The following TSC22D2 variants were observed in gnomAD, a reference collection of about 807,000 sequenced individuals.
The protein encoded by TSC22D2 is TSC22 domain family member 2.
Under a neutral mutation model 50.1 loss-of-function variants are expected in TSC22D2, and 5 were observed. The ratio of observed to expected loss-of-function variants is 0.10; its 90% CI spans 0.05 to 0.21. The LOEUF (loss-of-function observed/expected upper bound fraction) is 0.21. TSC22D2 is among the 10% of genes least tolerant of loss of function. The pLI is 1.00. For missense variants in TSC22D2, 1,003 were observed against 1,015.5 expected, an observed-to-expected ratio of 0.99 and a Z score of 0.17; for synonymous variants, 501 against 450.1, an observed-to-expected ratio of 1.11 and a Z score of -1.43.
chr3:150,422,741 G>C lies in TSC22D2; in HGVS notation c.1958+11433G>C, dbSNP rs1483777117. On this transcript the variant is annotated intron_variant, in intron 1 of 2. Transcript: ENST00000688009. The stretch of plus-strand genomic sequence containing the variant: ...ATTTGATATAGAAGAGTGTTGATTA[G>C]GCTATGAATTTGTCACATTTATATG... Among the ~76,000 whole-genome samples, 3 of 152,250 alleles carry C rather than the reference G, an allele frequency of 2.0e-5. No homozygotes were observed. In the East Asian group the frequency reaches 5.8e-4, roughly 29 times the overall value.
In TSC22D2 at chr3:150,409,578, G is replaced by T; in HGVS notation, c.228G>T (p.Gly76=). The change falls in exon 1 of 3, where the codon GGG becomes GGT. Residue 76 remains glycine, a synonymous_variant. Coordinates refer to ENST00000688009, the MANE Select transcript of TSC22D2 (RefSeq NM_001303264.2). This position sits in a 1 kb window ranked among gnomAD's most constrained non-coding sequence, Gnocchi z 7.4. ...CCGAAGAGACGCTTAACAATGTTGGGGATGCGGAGACTCCCGGGACCGTCT... is the reference window on the plus strand; with the variant it reads ...CCGAAGAGACGCTTAACAATGTTGGTGATGCGGAGACTCCCGGGACCGTCT... ...SSSEETLNNV[G]DAETPGTVSP... The T allele has an allele frequency of 1.3e-6, 2 of 1,599,878 alleles. No homozygotes were observed. The highest frequency in any genetic ancestry group is 8.6e-7 in the Non-Finnish European group (1 of 1,168,942).
At chr3:150,434,759 T>C (rs1359226360) in intron 1 of TSC22D2, among the ~76,000 whole-genome samples, 1 of 152,210 alleles carries the variant, frequency 6.6e-6, no homozygotes, top group East Asian at 1.9e-4. Flanking sequence ...GTGCATTTGC[T>C]ATAATGCATA....
intron 1 of TSC22D2, among the ~76,000 whole-genome samples, chr3:150,445,835 C>T (rs1266274214): frequency 6.6e-6 from 1 of 152,138 alleles, no homozygotes; most frequent in African/African-American, 2.4e-5. Flanking sequence ...TAGCCTCACG[C>T]CTGTAATTCC....
In TSC22D2 at chr3:150,424,592, T is replaced by C. The variant is rs116480457; in HGVS notation, c.1958+13284T>C. On this transcript the variant is annotated intron_variant, in intron 1 of 2. Coordinates refer to ENST00000688009, the MANE Select transcript of TSC22D2 (RefSeq NM_001303264.2). ...TAGAAGTTGCCTGTACATCATTTGT[T>C]GTTACAGCTAAATACTCCTTATATG... 5.0e-3 allele frequency among the ~76,000 whole-genome samples: 755 copies of C among 152,334 alleles called. 7 individuals carry two copies. The highest frequency in any genetic ancestry group is 0.017 in the African/African-American group (709 of 41,578).
At chr3:150,415,729 T>C (rs1719771748) in intron 1 of TSC22D2, among the ~76,000 whole-genome samples, 1 of 152,090 alleles carries the variant, frequency 6.6e-6, no homozygotes, top group Non-Finnish European at 1.5e-5. Flanking sequence ...AGGAGGAGGA[T>C]TGCTTGAGCC....
Position 150,446,132 on chromosome 3 carries a change from A to G in TSC22D2, c.1959-10944A>G, listed in dbSNP as rs145267953. Among the ~76,000 whole-genome samples, 870 of 151,892 alleles carry G rather than the reference A, an allele frequency of 5.7e-3. 4 individuals are homozygous for G. Among genetic ancestry groups the G allele is most frequent in the Non-Finnish European group, 0.01 (710 of 67,934 alleles). ...AAAAAAAATCAGCTAGTCTAATTCT[A>G]AAGTCTATGCTTTTAAGCCATTTTA... On this transcript the variant is annotated intron_variant, in intron 1 of 2. Transcript: ENST00000688009.
intron 1 of TSC22D2, among the ~76,000 whole-genome samples, chr3:150,420,900 G>A (rs1719983275): frequency 6.6e-6 from 1 of 152,112 alleles, no homozygotes; most frequent in Non-Finnish European, 1.5e-5. Flanking sequence ...TGGCCAACGT[G>A]GTGAAACCCC....
chr3:150,410,929 A>G lies in TSC22D2; in HGVS notation c.1579A>G (p.Thr527Ala). Residue 527 changes from threonine to alanine, a missense_variant, in exon 1 of 3, where the codon ACT (threonine) becomes GCT (alanine). Thr to Ala is a moderately conservative substitution (Grantham distance 58, BLOSUM62 0). Transcript: ENST00000688009. ...SVPSVSTTSV[T>A]MPNVPAPLAQ... The stretch of plus-strand genomic sequence containing the variant: ...GCCTAGTGTGTCTACCACTTCTGTT[A>G]CTATGCCAAATGTACCCGCGCCTCT... 6.2e-7 allele frequency: 1 copy of G among 1,614,056 alleles called. No homozygotes were observed. Among genetic ancestry groups the G allele is most frequent in the Non-Finnish European group, 8.5e-7 (1 of 1,180,016 alleles).
intron 1 of TSC22D2, among the ~76,000 whole-genome samples, chr3:150,434,587 T>C (rs1404263075): frequency 6.6e-6 from 1 of 152,228 alleles, no homozygotes; most frequent in East Asian, 1.9e-4. Flanking sequence ...TCCTTTGCCT[T>C]CTTTCTAAGC....
In TSC22D2 at chr3:150,462,521, T is replaced by G. The variant is rs1721444285; in HGVS notation, c.*3885T>G. On this transcript the variant is annotated 3_prime_UTR_variant, in exon 3 of 3. Coordinates refer to ENST00000688009, the MANE Select transcript of TSC22D2 (RefSeq NM_001303264.2). ...GAAAGGGCAAAATTACATAGGCAAT[T>G]TTGTGAAGGTCATGAAGGAAGTTTG... The G allele has an allele frequency of 6.6e-6, 1 of 152,126 alleles. No homozygotes were observed. The highest frequency in any genetic ancestry group is 2.4e-5 in the African/African-American group (1 of 41,420). 9.4% of individuals were successfully genotyped at this position (152,126 alleles called of 1,614,324 possible).
intron 1 of TSC22D2, among the ~76,000 whole-genome samples, chr3:150,422,773 C>T (rs1720056711): frequency 1.3e-5 from 2 of 152,160 alleles, no homozygotes; most frequent in Admixed American, 6.5e-5. Flanking sequence ...TATGCACGCA[C>T]ACAAAATTGG....
At chr3:150,447,716 T>G (rs754444044) in intron 1 of TSC22D2, among the ~76,000 whole-genome samples, 3 of 152,162 alleles carry the variant, frequency 2.0e-5, no homozygotes, top group Non-Finnish European at 2.9e-5. Context: ...TCTCTTTTCC[T>G]TATCATCTCA....
intron 1 of TSC22D2, among the ~76,000 whole-genome samples, chr3:150,427,414 T>C (rs1424101974): frequency 6.6e-6 from 1 of 152,154 alleles, no homozygotes; most frequent in Non-Finnish European, 1.5e-5. Context: ...GTTTTGTGTC[T>C]GACCTCTTTC....
intron 1 of TSC22D2, among the ~76,000 whole-genome samples, chr3:150,456,391 T>C (rs1721192596): frequency 6.6e-6 from 1 of 152,054 alleles, no homozygotes; most frequent in Non-Finnish European, 1.5e-5. Flanking sequence ...TTTCACCACG[T>C]TGGCCAGGCT....
chr3:150,409,248 C>G lies in TSC22D2; in HGVS notation c.-103C>G, dbSNP rs1462393863. On this transcript the variant is annotated 5_prime_UTR_variant, in exon 1 of 3. Coordinates refer to ENST00000688009, the MANE Select transcript of TSC22D2 (RefSeq NM_001303264.2). The surrounding 1 kb of genome is among the most constrained non-coding windows in gnomAD (Gnocchi z 7.4). ...CAGCGGCGGGCCTCAGACCCCAGCG[C>G]AGACTCGGACTTTGTCTTTGGGGGC... is the stretch of plus-strand genomic sequence containing the variant. 3 of 1,368,866 alleles carry G rather than the reference C, an allele frequency of 2.2e-6. No homozygotes were observed. In the African/African-American group the frequency reaches 4.4e-5, roughly 20 times the overall value. The allele number at this position is 1,368,866 out of a possible 1,614,324, so 84.8% of individuals were successfully genotyped here. A position where few individuals can be genotyped will look rare whatever the true frequency, so the allele number is the denominator to read the frequency against.
intron 1 of TSC22D2, among the ~76,000 whole-genome samples, chr3:150,456,634 A>G (rs1475258456): frequency 6.6e-6 from 1 of 151,704 alleles, no homozygotes; most frequent in African/African-American, 2.4e-5. Context: ...TAGAAAAAAA[A>G]AAGTCAAGCC....
Position 150,410,502 on chromosome 3 carries a change from C to A in TSC22D2, c.1152C>A (p.His384Gln). The change falls in exon 1 of 3, where the codon CAC (histidine) becomes CAA (glutamine). Residue 384 changes from histidine to glutamine, a missense_variant. His to Gln is a conservative substitution (Grantham distance 24). Coordinates refer to ENST00000688009, the MANE Select transcript of TSC22D2 (RefSeq NM_001303264.2). ...PSGQSEYLQQ[H>Q]VAGLQPPSPA... ...GCCAGAGTGAGTACCTGCAGCAGCA[C>A]GTGGCCGGCCTGCAGCCGCCAAGCC... 6.3e-7 allele frequency: 1 copy of A among 1,598,076 alleles called. No homozygotes were observed. The highest frequency in any genetic ancestry group is 2.3e-5 in the East Asian group (1 of 43,678).
intron 1 of TSC22D2, among the ~76,000 whole-genome samples, chr3:150,442,310 A>G (rs1720744698): frequency 6.6e-6 from 1 of 152,170 alleles, no homozygotes; most frequent in Admixed American, 6.5e-5. Context: ...TAAACTCACA[A>G]ACTCTGGAAT....
Position 150,459,844 on chromosome 3 carries a change from AAAG to A in TSC22D2, c.*1209_*1211del. 1 of 141,100 alleles carries A rather than the reference AAAG, an allele frequency of 7.1e-6. No individual in the cohort carries two copies. The highest frequency in any genetic ancestry group is 2.3e-4 in the South Asian group (1 of 4,368). 8.7% of individuals were successfully genotyped at this position (141,100 alleles called of 1,614,324 possible). A position where few individuals can be genotyped will look rare whatever the true frequency, so the allele number is the denominator to read the frequency against. On this transcript the variant is annotated 3_prime_UTR_variant, in exon 3 of 3. Coordinates refer to ENST00000688009, the MANE Select transcript of TSC22D2 (RefSeq NM_001303264.2). The stretch of plus-strand genomic sequence containing the variant: ...CTAGTTGTAAAAAAAAAAAAAAAAA[AAAG>A]TGAGCCATCTTTTGTTCATTTAAAA...
Sources: allele counts gnomAD v4.1 joint callset (sites outside exome capture counted in the v4.1 genomes callset), GRCh38; gene constraint gnomAD v4.1.1; non-coding constraint Gnocchi (gnomAD v3.1); transcripts MANE v1.5; gene names NCBI Gene and HGNC (gene_info 2026-07-23, HGNC 2026-07-21).